SYPL1: variants seen among roughly 807,000 people sequenced by gnomAD.
SYPL1 encodes synaptophysin like 1, also known as synaptophysin-like protein 1.
SYPL1 carries 6 observed loss-of-function variants against 23.7 expected under a neutral mutation model. That is an observed-to-expected ratio of 0.25 (90% CI 0.14 to 0.50). The LOEUF (loss-of-function observed/expected upper bound fraction) is 0.50, where lower values mean the gene tolerates loss of function less well. SYPL1 is among the 20% of genes least tolerant of loss of function. SYPL1 has a pLI of 0.98. For missense variants in SYPL1, 253 were observed against 288.9 expected, an observed-to-expected ratio of 0.88 and a Z score of 0.90; for synonymous variants, 102 against 104.5, an observed-to-expected ratio of 0.98 and a Z score of 0.15.
Position 106,099,283 on chromosome 7 carries a change from C to T in SYPL1, c.70-1G>A. On this transcript the variant is annotated splice_acceptor_variant, in intron 1 of 4. Coordinates refer to ENST00000455385, the MANE Select transcript of SYPL1 (RefSeq NM_182715.4). LOFTEE classifies it high-confidence loss of function. ...TGGCAAAAGCAAAGATAGAAGCAAT[C>T]TACACAAAGTAAGATGAAAAAAGAC... 1 of 1,604,072 alleles carries T rather than the reference C, an allele frequency of 6.2e-7. No individual in the cohort carries two copies. The highest frequency in any genetic ancestry group is 1.8e-5 in the Admixed American group (1 of 57,074).
At chr7:106,093,405 C>T (rs760281249) in intron 3 of SYPL1, among the ~76,000 whole-genome samples, 2 of 152,100 alleles carry the variant, frequency 1.3e-5, no homozygotes, top group African/African-American at 2.4e-5. Flanking sequence ...TTTATACAGC[C>T]TTCAACATAA....
chr7:106,097,182 G>A lies in SYPL1; in HGVS notation c.402+508C>T, dbSNP rs143350416. Among the ~76,000 whole-genome samples the A allele has an allele frequency of 0.016, 2,496 of 152,246 alleles. 48 individuals are homozygous for A. Among genetic ancestry groups the A allele is most frequent in the South Asian group, 0.061 (296 of 4,830 alleles). ...GGTGCTACTGCCCTCCTGCCTGGGC[G>A]ACAAAGCGAGACCTTGTCTCAAAAA... On this transcript the variant is annotated intron_variant, in intron 3 of 4. Coordinates refer to ENST00000455385, the MANE Select transcript of SYPL1 (RefSeq NM_182715.4). This position sits in a 1 kb window ranked among gnomAD's most constrained non-coding sequence, Gnocchi z 4.6.
Position 106,097,949 on chromosome 7 carries a change from A to G in SYPL1, c.195-52T>C. 2 of 1,480,122 alleles carry G rather than the reference A, an allele frequency of 1.4e-6. No individual in the cohort carries two copies. The highest frequency in any genetic ancestry group is 1.2e-5 in the South Asian group (1 of 82,264). 91.7% of individuals were successfully genotyped at this position (1,480,122 alleles called of 1,614,324 possible). A position where few individuals can be genotyped will look rare whatever the true frequency, so the allele number is the denominator to read the frequency against. On this transcript the variant is annotated intron_variant, in intron 2 of 4. Coordinates refer to ENST00000455385, the MANE Select transcript of SYPL1 (RefSeq NM_182715.4). The surrounding 1 kb of genome is among the most constrained non-coding windows in gnomAD (Gnocchi z 4.6). ...GGACTTTCCCAACAGAGACAGAAAC[A>G]TTTAAGCAAAACAATGAGTGACACT...
chr7:106,106,394 C>CA (rs1157877582), intron 1 of SYPL1, among the ~76,000 whole-genome samples: 3 of 151,306 alleles, frequency 2.0e-5, no homozygotes, highest in Non-Finnish European at 3.0e-5. Context: ...CTAAAAATAT[C>CA]AAAAAAAATT....
Position 106,095,198 on chromosome 7 carries a change from G to A in SYPL1, c.403-2061C>T, listed in dbSNP as rs1172426363. Among the ~76,000 whole-genome samples the A allele has an allele frequency of 6.6e-6, 1 of 152,046 alleles. No individual in the cohort carries two copies. Among genetic ancestry groups the A allele is most frequent in the African/African-American group, 2.4e-5 (1 of 41,386 alleles). ...ATATTTACTTCAAAAGAGAATTGAAGTAGATTTAAATTTTCATAACTGAAA... is the reference window on the plus strand; with the variant it reads ...ATATTTACTTCAAAAGAGAATTGAAATAGATTTAAATTTTCATAACTGAAA... On this transcript the variant is annotated intron_variant, in intron 3 of 4. Transcript: ENST00000455385. The surrounding 1 kb of genome is among the most constrained non-coding windows in gnomAD (Gnocchi z 4.3).
chr7:106,098,405 G>A (rs900371283), intron 2 of SYPL1, among the ~76,000 whole-genome samples: 1 of 152,178 alleles, frequency 6.6e-6, no homozygotes, highest in Non-Finnish European at 1.5e-5. Flanking sequence ...GTGTCTAGGA[G>A]AAAGGATACA....
rs991463534 is a variant in SYPL1, at chr7:106,099,617, C to T, written c.70-335G>A. Among the ~76,000 whole-genome samples the T allele has an allele frequency of 3.3e-5, 5 of 152,204 alleles. No individual in the cohort carries two copies. In the East Asian group the frequency reaches 5.8e-4, roughly 18 times the overall value. On this transcript the variant is annotated intron_variant, in intron 1 of 4. Transcript: ENST00000455385. Reference sequence around the variant, plus strand: ...CTATGTTGCTCAGATTGGGCTTGAACTCCTGAACTCAAGCAATCCTCCCAT... The same window carrying T: ...CTATGTTGCTCAGATTGGGCTTGAATTCCTGAACTCAAGCAATCCTCCCAT...
intron 1 of SYPL1, among the ~76,000 whole-genome samples, chr7:106,102,180 C>A (rs1237062673): frequency 2.0e-5 from 3 of 151,926 alleles, no homozygotes; most frequent in Admixed American, 1.3e-4. Context: ...GCAACCTCCA[C>A]CTCCCAGATT....
intron 4 of SYPL1, chr7:106,092,463 G>A (rs1196190888): frequency 9.1e-6 from 2 of 220,914 alleles, no homozygotes; most frequent in Non-Finnish European, 1.8e-5. Context: ...ACTTGAGGTC[G>A]GGAGTTTGAC....
intron 3 of SYPL1, among the ~76,000 whole-genome samples, chr7:106,094,698 T>C (rs1426074944): frequency 6.6e-6 from 1 of 152,230 alleles, no homozygotes; most frequent in Non-Finnish European, 1.5e-5. Flanking sequence ...TGTTAAATAA[T>C]TTCTCTTTAC....
intron 1 of SYPL1, among the ~76,000 whole-genome samples, chr7:106,102,927 AT>A (rs914115225): frequency 5.9e-5 from 9 of 151,844 alleles, no homozygotes; most frequent in African/African-American, 1.9e-4. Flanking sequence ...AGAATTTAAG[AT>A]TTTTTTTTGT....
At position 106,093,752 on chromosome 7, in the gene SYPL1, G is replaced by T. The variant is rs1028635471; in HGVS notation, c.403-615C>A. ...ACTTTAGTTAAACCAAATTCTCCAT[G>T]AGATGGATAATAAAATGGTGAAAAG... On this transcript the variant is annotated intron_variant, in intron 3 of 4. Transcript: ENST00000455385. Among the ~76,000 whole-genome samples the T allele has an allele frequency of 5.5e-5, 7 of 126,822 alleles. 2 individuals carry two copies. Among genetic ancestry groups the T allele is most frequent in the Admixed American group, 5.3e-4 (6 of 11,224 alleles). 83.2% of individuals were successfully genotyped at this position (126,822 alleles called of 152,430 possible).
At chr7:106,112,020 G>C (rs1414997162) in intron 1 of SYPL1, 120 bp downstream of exon 1, 1 of 1,136,406 alleles carries the variant, frequency 8.8e-7, no homozygotes, top group South Asian at 4.2e-5. Context: ...TCCCAGTCCC[G>C]GGGCGGCGGC....
upstream of SYPL1, chr7:106,112,479 C>G (rs1160570486): frequency 1.3e-6 from 2 of 1,517,284 alleles, no homozygotes. Flanking sequence ...CAGGCCGCAC[C>G]TGGCCGAGTC....
rs895862491 is a variant in SYPL1 at position 106,096,444 on chromosome 7, T to A, written c.402+1246A>T. The A allele has an allele frequency of 6.6e-6, 1 of 152,242 alleles. No individual in the cohort carries two copies. The highest frequency in any genetic ancestry group is 1.5e-5 in the Non-Finnish European group (1 of 68,034). The allele number at this position is 152,242 out of a possible 1,614,324, so 9.4% of individuals were successfully genotyped here. A position where few individuals can be genotyped will look rare whatever the true frequency, so the allele number is the denominator to read the frequency against. On this transcript the variant is annotated intron_variant, in intron 3 of 4. Coordinates refer to ENST00000455385, the MANE Select transcript of SYPL1 (RefSeq NM_182715.4). This position sits in a 1 kb window ranked among gnomAD's most constrained non-coding sequence, Gnocchi z 4.4. ...AGATGTGTTTTCTCATACATATGAATGACCAGTATCACACATAAAAAACAC... is the reference window on the plus strand; with the variant it reads ...AGATGTGTTTTCTCATACATATGAAAGACCAGTATCACACATAAAAAACAC...
chr7:106,110,008 T>C (rs887037472), intron 1 of SYPL1, among the ~76,000 whole-genome samples: 2 of 152,174 alleles, frequency 1.3e-5, no homozygotes, highest in African/African-American at 4.8e-5. Context: ...AAATTAGTCG[T>C]ATCATTGACT....
intron 3 of SYPL1, among the ~76,000 whole-genome samples, chr7:106,094,727 G>A (rs1192689735): frequency 6.6e-6 from 1 of 152,042 alleles, no homozygotes; most frequent in African/African-American, 2.4e-5. Context: ...TCACAACTTT[G>A]ATCAATATAT....
intron 1 of SYPL1, among the ~76,000 whole-genome samples, chr7:106,107,794 T>C (rs1288394791): frequency 6.6e-6 from 1 of 151,444 alleles, no homozygotes; most frequent in Non-Finnish European, 1.5e-5. Context: ...CTAGAGTTCC[T>C]ACTGAAATAA....
chr7:106,107,742 C>CA (rs10622990), intron 1 of SYPL1, among the ~76,000 whole-genome samples: 13,072 of 79,030 alleles, frequency 0.17, 1,182 homozygotes, highest in African/African-American at 0.25. Flanking sequence ...ACTCCGTCTC[C>CA]AAAAAAAAAA....
Sources: allele counts gnomAD v4.1 joint callset (sites outside exome capture counted in the v4.1 genomes callset), GRCh38; gene constraint gnomAD v4.1.1; non-coding constraint Gnocchi (gnomAD v3.1); transcripts MANE v1.5; gene names NCBI Gene and HGNC (gene_info 2026-07-23, HGNC 2026-07-21).